Variants in FNDC1 observed in about 807,000 individuals in gnomAD.
FNDC1 encodes the protein fibronectin type III domain containing 1.
A neutral mutation model predicts 168.0 loss-of-function variants in FNDC1; 96 were observed. The ratio of observed to expected loss-of-function variants is 0.57; its 90% CI spans 0.48 to 0.68. The LOEUF is 0.68. FNDC1 is among the 30% of genes least tolerant of loss of function. The pLI, the probability that FNDC1 is intolerant of heterozygous loss-of-function variation, is 0.00. For missense variants in FNDC1, 2,587 were observed against 2,482.1 expected, an observed-to-expected ratio of 1.04 and a Z score of -0.90; for synonymous variants, 1,099 against 1,025.9, an observed-to-expected ratio of 1.07 and a Z score of -1.36.
rs192071275 is a variant in FNDC1, at chr6:159,191,567, T to C, written c.110-5864T>C. On this transcript the variant is annotated intron_variant, in intron 1 of 22. Coordinates refer to ENST00000297267, the MANE Select transcript of FNDC1 (RefSeq NM_032532.3). ...TGAAACCTCAGCTGTGTATTTTAAC[T>C]TCATTATCTACAACGATTATGTGAG... 2.6e-3 allele frequency among the ~76,000 whole-genome samples: 401 copies of C among 152,368 alleles called. 2 individuals are homozygous for C. Among genetic ancestry groups the C allele is most frequent in the African/African-American group, 6.4e-3 (266 of 41,592 alleles).
intron 21 of FNDC1, among the ~76,000 whole-genome samples, chr6:159,267,595 A>G (rs1777616812): frequency 1.3e-5 from 2 of 152,208 alleles, no homozygotes; most frequent in South Asian, 4.1e-4. Flanking sequence ...ACATTCATTA[A>G]GTATTTAGCA....
At chr6:159,259,607 A>G (rs563987246) in intron 18 of FNDC1, among the ~76,000 whole-genome samples, 5 of 152,308 alleles carry the variant, frequency 3.3e-5, no homozygotes, top group African/African-American at 1.2e-4. Context: ...CAAAAAAAGT[A>G]TCTGTAAAGT....
chr6:159,268,790 ATGTG>A (rs1346753703), intron 22 of FNDC1, among the ~76,000 whole-genome samples: 2 of 151,906 alleles, frequency 1.3e-5, no homozygotes, highest in East Asian at 1.9e-4. Context: ...CTACTTATGT[ATGTG>A]TGTATCTATC....
At chr6:159,219,609 C>T (rs1047996960) in intron 5 of FNDC1, among the ~76,000 whole-genome samples, 1 of 152,020 alleles carries the variant, frequency 6.6e-6, no homozygotes. Flanking sequence ...AAGATGCGCG[C>T]GTGAGAAGCT....
intron 1 of FNDC1, among the ~76,000 whole-genome samples, chr6:159,196,062 A>G (rs1190303661): frequency 6.6e-6 from 1 of 152,218 alleles, no homozygotes; most frequent in Non-Finnish European, 1.5e-5. Flanking sequence ...AAATTAAAGA[A>G]CAGTAACCAC....
chr6:159,219,320 G>A (rs1428639971), intron 5 of FNDC1, among the ~76,000 whole-genome samples: 2 of 152,210 alleles, frequency 1.3e-5, no homozygotes, highest in Non-Finnish European at 2.9e-5. Flanking sequence ...GGGATTGCAG[G>A]CGTGAGCCAC....
chr6:159,223,509 G>C lies in FNDC1; in HGVS notation c.767-19G>C. On this transcript the variant is annotated intron_variant, in intron 6 of 22. Transcript: ENST00000297267. ...TGTTGTGAGAGAAAGCCTTTCTCTG[G>C]GTCTCGTTGTCATTTCAGAAGAGGA... The C allele has an allele frequency of 6.5e-7, 1 of 1,547,836 alleles. No homozygotes were observed. Among genetic ancestry groups the C allele is most frequent in the Non-Finnish European group, 8.9e-7 (1 of 1,124,268 alleles).
At chr6:159,258,322 C>T (rs931306637) in intron 18 of FNDC1, among the ~76,000 whole-genome samples, 3 of 152,084 alleles carry the variant, frequency 2.0e-5, no homozygotes, top group Non-Finnish European at 4.4e-5. Flanking sequence ...ATATAAACCT[C>T]CCCTGGTGGG....
At chr6:159,265,072 G>A in intron 20 of FNDC1, 68 bp downstream of exon 20, 3 of 1,345,130 alleles carry the variant, frequency 2.2e-6, no homozygotes, top group African/African-American at 1.4e-5. Context: ...TGAGATTGTT[G>A]TGATTACTCA....
chr6:159,207,417 G>T (rs1782509133), intron 4 of FNDC1, among the ~76,000 whole-genome samples: 1 of 152,164 alleles, frequency 6.6e-6, no homozygotes. Context: ...AGTCCTGGAA[G>T]AACCTACAGT....
In FNDC1 at chr6:159,219,539, T is replaced by G. The variant is rs963595996; in HGVS notation, c.668-2059T>G. On this transcript the variant is annotated intron_variant, in intron 5 of 22. Coordinates refer to ENST00000297267, the MANE Select transcript of FNDC1 (RefSeq NM_032532.3). ...GCAGATCTGGGTGGGCCCGCTTCCT[T>G]GTCTGTGAAGTGAAGACAACAACAG... is the stretch of plus-strand genomic sequence containing the variant. Among the ~76,000 whole-genome samples the G allele has an allele frequency of 1.3e-5, 2 of 152,182 alleles. 1 individual carries two copies. Among genetic ancestry groups the G allele is most frequent in the South Asian group, 4.1e-4 (2 of 4,832 alleles).
intron 12 of FNDC1, among the ~76,000 whole-genome samples, chr6:159,237,598 A>T (rs1783291225): frequency 6.6e-6 from 1 of 152,230 alleles, no homozygotes; most frequent in South Asian, 2.1e-4. Flanking sequence ...TTTGATTTTT[A>T]ACATTAACAG....
At chr6:159,202,966 T>C (rs1009078454) in intron 4 of FNDC1, among the ~76,000 whole-genome samples, 2 of 152,210 alleles carry the variant, frequency 1.3e-5, no homozygotes, top group Non-Finnish European at 2.9e-5. Context: ...AAAGTCCCGA[T>C]GTTGGCAGGT....
rs577499829 is a variant in FNDC1, at chr6:159,201,838, C to T, written c.460+1257C>T. 6.6e-5 allele frequency among the ~76,000 whole-genome samples: 10 copies of T among 152,234 alleles called. No homozygotes were observed. The South Asian group carries it at 8.3e-4, about 13-fold the overall frequency. On this transcript the variant is annotated intron_variant, in intron 4 of 22. Coordinates refer to ENST00000297267, the MANE Select transcript of FNDC1 (RefSeq NM_032532.3). ...TCTTATATTTTGTGTTTTAAATAAG[C>T]GTCTTATTTTTACATCCTTCCTGAT...
intron 5 of FNDC1, 141 bp downstream of exon 5, chr6:159,215,292 T>C: frequency 2.4e-6 from 2 of 821,326 alleles, no homozygotes; most frequent in East Asian, 2.7e-5. Flanking sequence ...GAATCTCTAC[T>C]GTTTCTTCCA....
intron 22 of FNDC1, among the ~76,000 whole-genome samples, chr6:159,269,494 CTATCT>C (rs1198975221): frequency 2.9e-3 from 373 of 129,852 alleles, no homozygotes; most frequent in African/African-American, 0.011. Flanking sequence ...ATCTATCTAT[CTATCT>C]ATCCATCCAT....
At chr6:159,247,913 G>A (rs745709858) in intron 15 of FNDC1, among the ~76,000 whole-genome samples, 1 of 152,204 alleles carries the variant, frequency 6.6e-6, no homozygotes, top group Non-Finnish European at 1.5e-5. Context: ...AAGGAATCTT[G>A]TCCACACCCA....
intron 4 of FNDC1, among the ~76,000 whole-genome samples, chr6:159,201,754 A>G (rs1182519245): frequency 6.6e-6 from 1 of 152,246 alleles, no homozygotes; most frequent in Non-Finnish European, 1.5e-5. Context: ...CTGAACACAC[A>G]CATGTAAACA....
chr6:159,196,027 C>G (rs2114943276), intron 1 of FNDC1, among the ~76,000 whole-genome samples: 1 of 152,272 alleles, frequency 6.6e-6, no homozygotes, highest in Admixed American at 6.5e-5. Context: ...GCTGAAGTTG[C>G]TTGTAGATAA....
Sources: allele counts gnomAD v4.1 joint callset (sites outside exome capture counted in the v4.1 genomes callset), GRCh38; gene constraint gnomAD v4.1.1; transcripts MANE v1.5; gene names NCBI Gene and HGNC (gene_info 2026-07-23, HGNC 2026-07-21).